The following SGSM1 variants were observed in gnomAD, a reference collection of about 807,000 sequenced individuals.
The protein encoded by SGSM1 is RUN and TBC1 domain containing 2.
Under a neutral mutation model 133.8 loss-of-function variants are expected in SGSM1, and 73 were observed. The ratio of observed to expected loss-of-function variants is 0.55; its 90% confidence interval spans 0.45 to 0.66. SGSM1 has a LOEUF of 0.66. Ranked by LOEUF, SGSM1 falls within the 30% of genes least tolerant of loss-of-function variation. The pLI is 0.00. For synonymous variants in SGSM1, 563 were observed against 573.0 expected, an observed-to-expected ratio of 0.98 and a Z score of 0.25; for missense variants, 1,213 against 1,448.1, an observed-to-expected ratio of 0.84 and a Z score of 2.64.
intron 13 of SGSM1, among the ~76,000 whole-genome samples, chr22:24,877,592 T>C (rs1270913458): frequency 6.6e-6 from 1 of 151,862 alleles, no homozygotes; most frequent in African/African-American, 2.4e-5. Context: ...CCATAGGATA[T>C]AAGGGGTGGG....
At chr22:24,897,868 C>A (rs1932961196) in intron 18 of SGSM1, 104 bp from the exon 19 acceptor site, 2 of 1,002,782 alleles carry the variant, frequency 2.0e-6, no homozygotes, top group Non-Finnish European at 3.0e-6. Flanking sequence ...CATGCTTGAT[C>A]CATATTTAAG....
At chr22:24,905,639 A>G (rs1933348307) in intron 21 of SGSM1, among the ~76,000 whole-genome samples, 1 of 151,992 alleles carries the variant, frequency 6.6e-6, no homozygotes, top group African/African-American at 2.4e-5. Context: ...TTAAAAAAAA[A>G]TTAGCCAGGC....
At chr22:24,867,873 T>C (rs1931543660) in intron 10 of SGSM1, among the ~76,000 whole-genome samples, 1 of 152,156 alleles carries the variant, frequency 6.6e-6, no homozygotes, top group South Asian at 2.1e-4. Flanking sequence ...TGAGCTTTGG[T>C]TTTACTATTT....
intron 21 of SGSM1, 53 bp downstream of exon 21, chr22:24,905,240 A>G (rs1933330213): frequency 1.3e-6 from 2 of 1,525,546 alleles, no homozygotes; most frequent in South Asian, 1.1e-5. Context: ...TTTCCACTGC[A>G]TGGCAGAAGG....
At chr22:24,915,902 G>A (rs1933803936) in intron 22 of SGSM1, among the ~76,000 whole-genome samples, 1 of 152,020 alleles carries the variant, frequency 6.6e-6, no homozygotes, top group Non-Finnish European at 1.5e-5. Flanking sequence ...CTATTCATAT[G>A]CTTTGCCCAT....
At chr22:24,881,165 C>A (rs1265249341) in intron 14 of SGSM1, among the ~76,000 whole-genome samples, 3 of 136,062 alleles carry the variant, frequency 2.2e-5, no homozygotes, top group Admixed American at 7.7e-5. Context: ...TGCACTCCAG[C>A]CTGGGTGACA....
intron 12 of SGSM1, among the ~76,000 whole-genome samples, chr22:24,869,790 G>C (rs527518769): frequency 5.9e-5 from 9 of 152,162 alleles, no homozygotes; most frequent in Admixed American, 3.9e-4. Context: ...CAGGTTGCAC[G>C]GTGCCTGCCG....
chr22:24,835,263 T>C (rs1448655260), intron 2 of SGSM1, among the ~76,000 whole-genome samples: 1 of 152,196 alleles, frequency 6.6e-6, no homozygotes. Flanking sequence ...CTACTGATTG[T>C]TGAGCACACA....
At chr22:24,838,270 A>G (rs1238930632) in intron 2 of SGSM1, among the ~76,000 whole-genome samples, 1 of 152,226 alleles carries the variant, frequency 6.6e-6, no homozygotes, top group Admixed American at 6.5e-5. Context: ...TGAGATGACA[A>G]GTATTGCCAA....
intron 13 of SGSM1, among the ~76,000 whole-genome samples, chr22:24,877,021 A>C (rs1932058854): frequency 1.3e-5 from 2 of 152,142 alleles, no homozygotes; most frequent in African/African-American, 4.8e-5. Context: ...TTCCACACTA[A>C]AGGGCCTGGG....
intron 2 of SGSM1, among the ~76,000 whole-genome samples, chr22:24,818,387 A>G (rs1309295220): frequency 6.6e-6 from 1 of 151,860 alleles, no homozygotes; most frequent in Non-Finnish European, 1.5e-5. Flanking sequence ...ATTTATTTAG[A>G]GACAGAGTCT....
chr22:24,848,809 C>G (rs1221946735), intron 4 of SGSM1, among the ~76,000 whole-genome samples: 2 of 152,224 alleles, frequency 1.3e-5, no homozygotes, highest in Admixed American at 1.3e-4. Context: ...TGTGGATGGT[C>G]ACTCCACTTC....
At chr22:24,880,324 G>A (rs995694254) in intron 14 of SGSM1, among the ~76,000 whole-genome samples, 7 of 152,020 alleles carry the variant, frequency 4.6e-5, no homozygotes, top group South Asian at 2.1e-4. Context: ...TAATAGAGAC[G>A]GGTTTCACCA....
chr22:24,808,368 C>T (rs1039640351), intron 2 of SGSM1, among the ~76,000 whole-genome samples: 1 of 152,140 alleles, frequency 6.6e-6, no homozygotes, highest in Admixed American at 6.6e-5. Context: ...CCTGCCTCGG[C>T]CTCCCAAAGT....
rs116886049 is a variant in SGSM1, at chr22:24,831,738, C to T, written c.64-13159C>T. ...CACAGGCCCCCAGCGGAGACACCTGCCTATGGCTTTGCCAACAGCCGGCCT... is the reference window on the plus strand; with the variant it reads ...CACAGGCCCCCAGCGGAGACACCTGTCTATGGCTTTGCCAACAGCCGGCCT... On this transcript the variant is annotated intron_variant, in intron 2 of 24. Transcript: ENST00000400358. 8.2e-3 allele frequency among the ~76,000 whole-genome samples: 1,248 copies of T among 152,374 alleles called. 11 individuals are homozygous for T. The highest frequency in any genetic ancestry group is 0.016 in the Admixed American group (252 of 15,308).
intron 8 of SGSM1, 74 bp downstream of exon 8, chr22:24,855,754 G>A: frequency 2.5e-6 from 4 of 1,609,634 alleles, no homozygotes; most frequent in Non-Finnish European, 3.4e-6. Context: ...GGTCTCTCTG[G>A]CTCCAGATTG....
At chr22:24,844,806 TG>T (rs748245350) in intron 2 of SGSM1, 90 bp from the exon 3 acceptor site, 233 of 1,166,454 alleles carry the variant, frequency 2.0e-4, no homozygotes, top group Admixed American at 2.5e-4. Context: ...AAAGGCCTTG[TG>T]GGGAGCAATG....
intron 2 of SGSM1, among the ~76,000 whole-genome samples, chr22:24,816,412 T>TC (rs1491404341): frequency 8.2e-6 from 1 of 122,310 alleles, no homozygotes; most frequent in Non-Finnish European, 1.8e-5. Context: ...TTCTTTTTTT[T>TC]CTTTCTTTTT....
chr22:24,845,936 T>TTTTCTTTTCTTTC lies in SGSM1; in HGVS notation c.139+972_139+984dup, dbSNP rs1490805131. 1.7e-3 allele frequency among the ~76,000 whole-genome samples: 240 copies of TTTTCTTTTCTTTC among 142,724 alleles called. 2 individuals are homozygous for TTTTCTTTTCTTTC. Among genetic ancestry groups the TTTTCTTTTCTTTC allele is most frequent in the African/African-American group, 6.2e-3 (228 of 36,846 alleles). The allele number at this position is 142,724 out of a possible 152,430, so 93.6% of individuals were successfully genotyped here. ...GACTTTGGGCAAGATCTTTCTTTTC[T>TTTTCTTTTCTTTC]TTTCTTTTCTTTCTTTCTTTCTTTC... On this transcript the variant is annotated intron_variant, in intron 3 of 24. Coordinates refer to ENST00000400358, the MANE Select transcript of SGSM1 (RefSeq NM_001098497.3).
Sources: allele counts gnomAD v4.1 joint callset (sites outside exome capture counted in the v4.1 genomes callset), GRCh38; gene constraint gnomAD v4.1.1; transcripts MANE v1.5; gene names NCBI Gene and HGNC (gene_info 2026-07-23, HGNC 2026-07-21).